NDUFA12: variants seen among roughly 807,000 people sequenced by gnomAD.
NDUFA12 encodes the protein NADH:ubiquinone oxidoreductase subunit A12.
NDUFA12 carries 17 observed loss-of-function variants against 20.3 expected under a neutral mutation model. That is an observed-to-expected ratio of 0.84 (90% CI 0.57 to 1.26). NDUFA12 has a LOEUF of 1.26. Ranked by LOEUF, NDUFA12 falls within the 50% of genes most tolerant of loss-of-function variation. The pLI is 0.00. For synonymous variants in NDUFA12, 72 were observed against 63.6 expected (o/e 1.13, Z -0.63); for missense variants, 191 against 183.7 (o/e 1.04, Z -0.23).
At chr12:94,979,479 T>C (rs892770670) in intron 3 of NDUFA12, among the ~76,000 whole-genome samples, 1 of 152,140 alleles carries the variant, frequency 6.6e-6, no homozygotes, top group African/African-American at 2.4e-5. Context: ...TTGCTTATAA[T>C]ATTGATGGAA....
chr12:94,978,175 T>A (rs932396899), intron 3 of NDUFA12, among the ~76,000 whole-genome samples: 1 of 152,236 alleles, frequency 6.6e-6, no homozygotes, highest in Non-Finnish European at 1.5e-5. Context: ...GGGAAGCCAC[T>A]GGGTCATTCT....
chr12:94,993,486 G>A (rs147030967), intron 3 of NDUFA12, among the ~76,000 whole-genome samples: 2 of 150,904 alleles, frequency 1.3e-5, no homozygotes, highest in Non-Finnish European at 2.9e-5. Flanking sequence ...TTAGCCAGGC[G>A]TGGTAGCATG....
chr12:94,979,539 A>G (rs1254779581), intron 3 of NDUFA12, among the ~76,000 whole-genome samples: 2 of 152,076 alleles, frequency 1.3e-5, no homozygotes, highest in African/African-American at 4.8e-5. Context: ...CACAGAAAGG[A>G]TTAAAAAGGG....
At chr12:94,988,699 G>A (rs995986001) in intron 3 of NDUFA12, among the ~76,000 whole-genome samples, 4 of 152,134 alleles carry the variant, frequency 2.6e-5, no homozygotes, top group African/African-American at 7.2e-5. Flanking sequence ...GGGGCAGGCC[G>A]TCCAGGTACT....
intron 3 of NDUFA12, among the ~76,000 whole-genome samples, chr12:94,976,536 A>T (rs541465262): frequency 1.6e-4 from 24 of 152,188 alleles, no homozygotes; most frequent in Admixed American, 9.8e-4. Flanking sequence ...GCCTAATATG[A>T]TGTCTGCATA....
At chr12:94,994,368 T>C (rs1035867380) in intron 2 of NDUFA12, 111 bp from the exon 3 acceptor site, 12 of 789,494 alleles carry the variant, frequency 1.5e-5, no homozygotes, top group African/African-American at 1.4e-4. Context: ...TGTGATCTTA[T>C]ATAAGAGAGC....
intron 2 of NDUFA12, among the ~76,000 whole-genome samples, chr12:94,999,251 C>T (rs1003369194): frequency 6.6e-6 from 1 of 152,082 alleles, no homozygotes; most frequent in African/African-American, 2.4e-5. Flanking sequence ...CCCTATTCAA[C>T]AAATGGTGTT....
chr12:94,992,218 G>A (rs962925675), intron 3 of NDUFA12, among the ~76,000 whole-genome samples: 12 of 152,240 alleles, frequency 7.9e-5, no homozygotes, highest in African/African-American at 2.6e-4. Flanking sequence ...TTTGAAATAC[G>A]TCATGCAAAA....
intron 3 of NDUFA12, among the ~76,000 whole-genome samples, chr12:94,988,115 T>G (rs1267885948): frequency 6.6e-6 from 1 of 152,184 alleles, no homozygotes; most frequent in African/African-American, 2.4e-5. Context: ...AACTGCATCT[T>G]TGGGTCTTCA....
At chr12:94,990,343 A>C (rs1874598146) in intron 3 of NDUFA12, among the ~76,000 whole-genome samples, 1 of 152,142 alleles carries the variant, frequency 6.6e-6, no homozygotes, top group African/African-American at 2.4e-5. Flanking sequence ...TTTCCCACTA[A>C]AAAGAGTGCA....
Position 94,993,038 on chromosome 12 carries a change from T to A in NDUFA12, c.257+1132A>T, listed in dbSNP as rs185437438. On this transcript the variant is annotated intron_variant, in intron 3 of 3. Transcript: ENST00000327772. ...GAGAGATATTCAATAAATATTTTTG[T>A]AATGAAATAAATATTGCCAAGTTAA... Among the ~76,000 whole-genome samples, 21 of 152,302 alleles carry A rather than the reference T, an allele frequency of 1.4e-4. No individual in the cohort carries two copies. The East Asian group carries it at 4.1e-3, about 29-fold the overall frequency.
At chr12:94,995,892 A>T (rs1259947050) in intron 2 of NDUFA12, among the ~76,000 whole-genome samples, 1 of 144,644 alleles carries the variant, frequency 6.9e-6, no homozygotes, top group Non-Finnish European at 1.5e-5. Context: ...ATTTTTAAAA[A>T]TGCTGTGCAT....
At chr12:94,990,679 C>T (rs1874610941) in intron 3 of NDUFA12, among the ~76,000 whole-genome samples, 1 of 152,122 alleles carries the variant, frequency 6.6e-6, no homozygotes, top group Non-Finnish European at 1.5e-5. Flanking sequence ...GAGCCTCATG[C>T]CTCAGCCTTC....
chr12:94,976,201 A>G (rs1330282683), intron 3 of NDUFA12, among the ~76,000 whole-genome samples: 2 of 152,228 alleles, frequency 1.3e-5, no homozygotes, highest in Non-Finnish European at 2.9e-5. Context: ...TTTGATCCTT[A>G]TAACAACTCG....
chr12:94,996,903 C>T (rs1175101877), intron 2 of NDUFA12: 8 of 348,852 alleles, frequency 2.3e-5, no homozygotes, highest in Non-Finnish European at 4.4e-5. Context: ...AGAATAATTA[C>T]CCCAGGTTCT....
At chr12:94,986,375 C>G (rs1022268168) in intron 3 of NDUFA12, among the ~76,000 whole-genome samples, 1 of 152,022 alleles carries the variant, frequency 6.6e-6, no homozygotes, top group African/African-American at 2.4e-5. Context: ...CTTTAGTGCT[C>G]TACTGCACAG....
At position 95,001,087 on chromosome 12, in the gene NDUFA12, T is replaced by C. The variant is rs558081399; in HGVS notation, c.169+1652A>G. ...TGGGAGGCTGAGACAAGAGGATGGC[T>C]TAAGCCCAGGAGTTCAAGACCAGCC... On this transcript the variant is annotated intron_variant, in intron 2 of 3. Coordinates refer to ENST00000327772, the MANE Select transcript of NDUFA12 (RefSeq NM_018838.5). Among the ~76,000 whole-genome samples, 5 of 151,426 alleles carry C rather than the reference T, an allele frequency of 3.3e-5. No individual in the cohort carries two copies. In the South Asian group the frequency reaches 1.0e-3, roughly 32 times the overall value.
chr12:94,994,053 G>T (rs951024466), intron 3 of NDUFA12, 117 bp downstream of exon 3: 1 of 863,326 alleles, frequency 1.2e-6, no homozygotes, highest in Non-Finnish European at 1.9e-6. Context: ...GAGCCTGGGA[G>T]GTCAAAGCTG....
intron 3 of NDUFA12, chr12:94,972,293 TAAGA>T (rs555601334): frequency 4.6e-4 from 126 of 271,896 alleles, no homozygotes; most frequent in African/African-American, 2.7e-3. Flanking sequence ...TATCTACCTC[TAAGA>T]AAGAAAAGAT....
Sources: allele counts gnomAD v4.1 joint callset (sites outside exome capture counted in the v4.1 genomes callset), GRCh38; gene constraint gnomAD v4.1.1; transcripts MANE v1.5; gene names NCBI Gene and HGNC (gene_info 2026-07-23, HGNC 2026-07-21).